Variants in KIAA0825 observed in about 807,000 individuals in gnomAD.
The protein encoded by KIAA0825 is uncharacterized protein KIAA0825.
In KIAA0825, 119 loss-of-function variants were observed where a neutral mutation model predicts 147.6. That is an observed-to-expected ratio of 0.81 (90% CI 0.69 to 0.94). The LOEUF (loss-of-function observed/expected upper bound fraction) is 0.94, where lower values mean the gene tolerates loss of function less well. Ranked by LOEUF, KIAA0825 falls within the 40% of genes least tolerant of loss-of-function variation. KIAA0825 has a pLI of 0.00. For missense variants in KIAA0825, 1,381 were observed against 1,472.7 expected (o/e 0.94, Z 1.02); for synonymous variants, 470 against 518.1 (o/e 0.91, Z 1.26).
In KIAA0825 at chr5:94,208,981, A is replaced by G. The variant is rs191673584; in HGVS notation, c.3711-54857T>C. On this transcript the variant is annotated intron_variant, in intron 20 of 20. Transcript: ENST00000682413. ...CAAAAATTTGTATGCAGTAGGTCTG[A>G]GGGATATTGGTCTGTGCATTTACAT... Among the ~76,000 whole-genome samples, 322 of 152,284 alleles carry G rather than the reference A, an allele frequency of 2.1e-3. 2 individuals carry two copies. The highest frequency in any genetic ancestry group is 7.5e-3 in the African/African-American group (312 of 41,554).
intron 20 of KIAA0825, among the ~76,000 whole-genome samples, chr5:94,300,556 T>C (rs975313275): frequency 6.6e-6 from 1 of 152,088 alleles, no homozygotes; most frequent in African/African-American, 2.4e-5. Flanking sequence ...TTGGTAGACA[T>C]GTAGGATTGT....
chr5:94,430,015 T>C (rs920445741), intron 14 of KIAA0825, among the ~76,000 whole-genome samples: 4 of 152,112 alleles, frequency 2.6e-5, no homozygotes, highest in Admixed American at 6.5e-5. Flanking sequence ...CCTGAAGGTC[T>C]GCCTGCACAT....
chr5:94,385,168 G>C (rs1306248920), intron 19 of KIAA0825, among the ~76,000 whole-genome samples: 3 of 152,140 alleles, frequency 2.0e-5, no homozygotes, highest in Non-Finnish European at 4.4e-5. Flanking sequence ...GCACAACACA[G>C]AAAAGCAGCC....
At position 94,152,903 on chromosome 5, in the gene KIAA0825, T is replaced by TATATAG. The variant is rs1386044229; in HGVS notation, c.*1103_*1104insCTATAT. On this transcript the variant is annotated 3_prime_UTR_variant, in exon 21 of 21. Coordinates refer to ENST00000682413, the MANE Select transcript of KIAA0825 (RefSeq NM_001145678.3). ...ATATATATATATATATATATATATATGGTTTCTCCCAGACGTTCTTAGACT... is the reference window on the plus strand; with the variant it reads ...ATATATATATATATATATATATATATATATAGGGTTTCTCCCAGACGTTCTTAGACT... 9.9e-5 allele frequency: 2 copies of TATATAG among 20,218 alleles called. 1 individual carries two copies. Among genetic ancestry groups the TATATAG allele is most frequent in the Non-Finnish European group, 1.9e-4 (2 of 10,784 alleles). 1.3% of individuals were successfully genotyped at this position (20,218 alleles called of 1,614,324 possible). A position where few individuals can be genotyped will look rare whatever the true frequency, so the allele number is the denominator to read the frequency against.
intron 20 of KIAA0825, among the ~76,000 whole-genome samples, chr5:94,228,775 GC>G (rs1435404645): frequency 3.3e-5 from 5 of 152,174 alleles, no homozygotes; most frequent in African/African-American, 1.2e-4. Flanking sequence ...TCCATTAAAA[GC>G]CTATCATATT....
At chr5:94,477,044 A>C in intron 7 of KIAA0825, 67 bp downstream of exon 7, 2 of 1,120,968 alleles carry the variant, frequency 1.8e-6, no homozygotes, top group Non-Finnish European at 2.6e-6. Context: ...CTTGATTCAT[A>C]ATGGATTCAC....
intron 1 of KIAA0825, among the ~76,000 whole-genome samples, chr5:94,608,495 AT>A (rs1324591912): frequency 8.5e-5 from 3 of 35,474 alleles, no homozygotes; most frequent in Non-Finnish European, 1.5e-4. Flanking sequence ...ATATATAATT[AT>A]ATATATATAT....
chr5:94,589,005 C>T (rs531353310), intron 1 of KIAA0825, among the ~76,000 whole-genome samples: 2 of 152,206 alleles, frequency 1.3e-5, no homozygotes, highest in African/African-American at 4.8e-5. Context: ...GAACATCACA[C>T]ACTGGGGCCT....
In KIAA0825 at chr5:94,530,271, C is replaced by A. The variant is rs1287322701; in HGVS notation, c.132-6173G>T. Among the ~76,000 whole-genome samples, 42 of 54,588 alleles carry A rather than the reference C, an allele frequency of 7.7e-4. 1 individual carries two copies. The South Asian group carries it at 0.012, about 15-fold the overall frequency. 35.8% of individuals were successfully genotyped at this position (54,588 alleles called of 152,430 possible). ...GGGCAACGAGAGTAAAACTCCGTCA[C>A]AAAAAAAAAAAAAAAAAAAAAAAAG... On this transcript the variant is annotated intron_variant, in intron 3 of 20. Coordinates refer to ENST00000682413, the MANE Select transcript of KIAA0825 (RefSeq NM_001145678.3).
chr5:94,188,977 TGTA>T (rs1204059618), intron 20 of KIAA0825, among the ~76,000 whole-genome samples: 1 of 152,224 alleles, frequency 6.6e-6, no homozygotes, highest in Non-Finnish European at 1.5e-5. Flanking sequence ...ACAGTAGGTA[TGTA>T]GTAGTACCTT....
chr5:94,517,513 A>G (rs1274357467), intron 5 of KIAA0825, among the ~76,000 whole-genome samples: 1 of 152,090 alleles, frequency 6.6e-6, no homozygotes, highest in Non-Finnish European at 1.5e-5. Flanking sequence ...ATCAGAAGCA[A>G]CTAAAGATTG....
chr5:94,557,009 T>C (rs1776658941), intron 2 of KIAA0825, among the ~76,000 whole-genome samples: 1 of 152,230 alleles, frequency 6.6e-6, no homozygotes, highest in South Asian at 2.1e-4. Flanking sequence ...CACGCCTTCC[T>C]AGTTTTCCAT....
rs59459406 is a variant in KIAA0825 at position 94,353,448 on chromosome 5, G to A, written c.3710+30920C>T. ...TTAACACTTTACTGGAAAGAGTCTAGATGTATTTAAATGCAGGTCTCAGAG... is the reference window on the plus strand; with the variant it reads ...TTAACACTTTACTGGAAAGAGTCTAAATGTATTTAAATGCAGGTCTCAGAG... On this transcript the variant is annotated intron_variant, in intron 20 of 20. Transcript: ENST00000682413. Among the ~76,000 whole-genome samples the A allele has an allele frequency of 6.2e-3, 940 of 152,212 alleles. 11 individuals are homozygous for A. Among genetic ancestry groups the A allele is most frequent in the African/African-American group, 0.022 (902 of 41,538 alleles).
At position 94,280,515 on chromosome 5, in the gene KIAA0825, A is replaced by G. The variant is rs569915619; in HGVS notation, c.3710+103853T>C. On this transcript the variant is annotated intron_variant, in intron 20 of 20. Transcript: ENST00000682413. ...GGAGAAAACCCAACCAGAACCATTG[A>G]TGTTATATTCATTGTTACAGCATAT... Among the ~76,000 whole-genome samples the G allele has an allele frequency of 2.0e-4, 31 of 152,160 alleles. 1 individual carries two copies. The South Asian group carries it at 3.9e-3, about 19-fold the overall frequency.
At chr5:94,318,706 T>C (rs1049815457) in intron 20 of KIAA0825, among the ~76,000 whole-genome samples, 3 of 151,854 alleles carry the variant, frequency 2.0e-5, no homozygotes, top group African/African-American at 2.4e-5. Flanking sequence ...TAATACTAAA[T>C]TTGCTATTTT....
At chr5:94,553,504 C>T (rs546661870) in intron 2 of KIAA0825, among the ~76,000 whole-genome samples, 4 of 151,108 alleles carry the variant, frequency 2.6e-5, no homozygotes, top group African/African-American at 7.3e-5. Flanking sequence ...TGGCTCATGC[C>T]TGTAATCCCC....
intron 3 of KIAA0825, among the ~76,000 whole-genome samples, chr5:94,532,958 A>AG (rs1410305446): frequency 6.6e-6 from 1 of 151,454 alleles, no homozygotes; most frequent in Non-Finnish European, 1.5e-5. Flanking sequence ...CTGAACATTA[A>AG]GGGGGAAAAA....
chr5:94,424,710 T>C (rs1288263813), intron 14 of KIAA0825, among the ~76,000 whole-genome samples: 1 of 151,598 alleles, frequency 6.6e-6, no homozygotes, highest in African/African-American at 2.4e-5. Flanking sequence ...AAAATACAAA[T>C]GATAAATGAA....
At chr5:94,574,912 C>A (rs1377239057) in intron 2 of KIAA0825, among the ~76,000 whole-genome samples, 1 of 152,128 alleles carries the variant, frequency 6.6e-6, no homozygotes, top group African/African-American at 2.4e-5. Context: ...CTTGACATTT[C>A]TATGTACTGG....
Sources: gnomAD v4.1 joint callset for allele counts (sites outside exome capture counted in the v4.1 genomes callset) on GRCh38, gnomAD v4.1.1 for gene constraint, MANE v1.5 for transcripts, NCBI Gene and HGNC (gene_info 2026-07-23, HGNC 2026-07-21) for gene names.